SLIT3: variants seen among roughly 807,000 people sequenced by gnomAD.
SLIT3 encodes the protein slit homolog 3 protein.
Under a neutral mutation model 184.0 loss-of-function variants are expected in SLIT3, and 68 were observed. The observed-to-expected ratio is 0.37, with a 90% CI of 0.30 to 0.45. The LOEUF is 0.45. SLIT3 is among the 20% of genes least tolerant of loss of function. The pLI is 1.00. For synonymous variants in SLIT3, 831 were observed against 828.6 expected, an observed-to-expected ratio of 1.00 and a Z score of -0.05; for missense variants, 1,707 against 2,026.0, an observed-to-expected ratio of 0.84 and a Z score of 3.02.
intron 12 of SLIT3, among the ~76,000 whole-genome samples, chr5:168,777,752 T>C (rs1755813716): frequency 6.6e-6 from 1 of 152,086 alleles, no homozygotes; most frequent in Admixed American, 6.6e-5. Flanking sequence ...GAGATAAAAT[T>C]AAGCTGCTTA....
At chr5:168,804,340 G>A (rs75020862) in intron 9 of SLIT3, among the ~76,000 whole-genome samples, 2,087 of 86,410 alleles carry the variant, frequency 0.024, 24 homozygotes, top group Middle Eastern at 0.035. Flanking sequence ...AAAAAAAAAA[G>A]ATGAAAGGGA....
chr5:169,194,436 A>G (rs1215557002), intron 3 of SLIT3, among the ~76,000 whole-genome samples: 1 of 152,052 alleles, frequency 6.6e-6, no homozygotes, highest in African/African-American at 2.4e-5. Context: ...CCAGAGTAGG[A>G]TTCCATTGTG....
At chr5:169,274,825 A>G (rs1361999581) in intron 1 of SLIT3, among the ~76,000 whole-genome samples, 1 of 152,158 alleles carries the variant, frequency 6.6e-6, no homozygotes, top group Non-Finnish European at 1.5e-5. Context: ...TCAAATACTT[A>G]CCAGTTGGGT....
At chr5:169,006,430 C>T (rs1755929801) in intron 4 of SLIT3, among the ~76,000 whole-genome samples, 1 of 152,130 alleles carries the variant, frequency 6.6e-6, no homozygotes, top group Non-Finnish European at 1.5e-5. Flanking sequence ...GAATCTACCC[C>T]TCCCTTCCCT....
chr5:168,765,420 C>G (rs531598587), intron 14 of SLIT3, among the ~76,000 whole-genome samples: 1 of 152,052 alleles, frequency 6.6e-6, no homozygotes, highest in Non-Finnish European at 1.5e-5. Flanking sequence ...ACAAGGGGGT[C>G]GGAATGTGAT....
chr5:168,977,638 G>A (rs1382837799), intron 4 of SLIT3, among the ~76,000 whole-genome samples: 5 of 152,154 alleles, frequency 3.3e-5, no homozygotes, highest in Non-Finnish European at 7.3e-5. Flanking sequence ...TCTGACTGTT[G>A]AGCAATTGCT....
At chr5:169,287,348 C>G (rs1012245522) in intron 1 of SLIT3, among the ~76,000 whole-genome samples, 1 of 152,288 alleles carries the variant, frequency 6.6e-6, no homozygotes, top group Non-Finnish European at 1.5e-5. Flanking sequence ...CATCTGGTGC[C>G]TCTCCCCTCT....
At chr5:169,006,014 G>C (rs1323174448) in intron 4 of SLIT3, among the ~76,000 whole-genome samples, 1 of 152,202 alleles carries the variant, frequency 6.6e-6, no homozygotes, top group African/African-American at 2.4e-5. Context: ...TCAGTGCCAG[G>C]CACTGTGCTA....
chr5:168,867,769 C>A (rs1203083567), intron 5 of SLIT3, among the ~76,000 whole-genome samples: 2 of 152,150 alleles, frequency 1.3e-5, no homozygotes, highest in Non-Finnish European at 2.9e-5. Context: ...CCTTGGCAGG[C>A]AGTTGGATTT....
chr5:169,214,098 C>T (rs962876096), intron 3 of SLIT3, among the ~76,000 whole-genome samples: 11 of 143,440 alleles, frequency 7.7e-5, no homozygotes, highest in African/African-American at 2.9e-4. Flanking sequence ...TCAGTCTTCT[C>T]ATCTGTTAAA....
chr5:168,730,319 T>C (rs778915196), intron 20 of SLIT3, among the ~76,000 whole-genome samples: 3 of 152,010 alleles, frequency 2.0e-5, no homozygotes, highest in Admixed American at 6.5e-5. Context: ...AGACAGATCA[T>C]TGAGACAGAA....
rs141167749 is a variant in SLIT3 at position 169,253,693 on chromosome 5, C to T, written c.198-2234G>A. 2.8e-3 allele frequency among the ~76,000 whole-genome samples: 430 copies of T among 152,250 alleles called. 3 individuals are homozygous for T. The highest frequency in any genetic ancestry group is 9.5e-3 in the African/African-American group (396 of 41,540). ...TACTGTAATTAGTTGAAGCGCATCT[C>T]TCCCATCTCAACTTTGAAATTTCAG... is the stretch of plus-strand genomic sequence containing the variant. On this transcript the variant is annotated intron_variant, in intron 1 of 35. Transcript: ENST00000519560.
intron 1 of SLIT3, among the ~76,000 whole-genome samples, chr5:169,260,139 A>G (rs1766112519): frequency 1.3e-5 from 2 of 152,146 alleles, no homozygotes; most frequent in Non-Finnish European, 2.9e-5. Flanking sequence ...TAGTCTTAAA[A>G]AAAATAAACA....
chr5:168,699,883 C>T (rs947876860), intron 27 of SLIT3, among the ~76,000 whole-genome samples: 5 of 152,178 alleles, frequency 3.3e-5, no homozygotes, highest in African/African-American at 4.8e-5. Flanking sequence ...AAGTGCCAGA[C>T]GGGCAGTCTT....
intron 14 of SLIT3, among the ~76,000 whole-genome samples, chr5:168,763,932 T>C (rs569392252): frequency 6.6e-6 from 1 of 152,364 alleles, no homozygotes; most frequent in African/African-American, 2.4e-5. Context: ...ATTATTTGTT[T>C]GCTCCACTAG....
intron 5 of SLIT3, among the ~76,000 whole-genome samples, chr5:168,872,158 T>A (rs1468141329): frequency 1.3e-5 from 2 of 152,168 alleles, no homozygotes; most frequent in South Asian, 2.1e-4. Context: ...TCTGAGAGTA[T>A]GAAAAACCAA....
At chr5:168,835,583 C>G (rs1420044515) in intron 6 of SLIT3, among the ~76,000 whole-genome samples, 3 of 151,664 alleles carry the variant, frequency 2.0e-5, no homozygotes, top group African/African-American at 7.3e-5. Context: ...CCGAGGTGGG[C>G]AGATCACTTG....
intron 2 of SLIT3, among the ~76,000 whole-genome samples, chr5:169,245,050 G>A (rs1561763246): frequency 6.6e-6 from 1 of 152,202 alleles, no homozygotes; most frequent in Non-Finnish European, 1.5e-5. Flanking sequence ...AAGCACTGCA[G>A]GATGTTGCAC....
chr5:169,217,554 G>T (rs1369423212), intron 3 of SLIT3, among the ~76,000 whole-genome samples: 1 of 152,138 alleles, frequency 6.6e-6, no homozygotes, highest in Non-Finnish European at 1.5e-5. Context: ...AGAGCTAGTG[G>T]CCCTGATCCA....
Sources: gnomAD v4.1 joint callset for allele counts (sites outside exome capture counted in the v4.1 genomes callset) on GRCh38, gnomAD v4.1.1 for gene constraint, MANE v1.5 for transcripts, NCBI Gene and HGNC (gene_info 2026-07-23, HGNC 2026-07-21) for gene names.